The following ARHGAP15 variants were observed in gnomAD, a reference collection of about 807,000 sequenced individuals.
The protein encoded by ARHGAP15 is rho GTPase-activating protein 15.
Under a neutral mutation model 63.7 loss-of-function variants are expected in ARHGAP15, and 51 were observed. That is an observed-to-expected ratio of 0.80 (90% CI 0.64 to 1.01). ARHGAP15 has a LOEUF of 1.01. ARHGAP15 is among the 50% of genes least tolerant of loss of function. The pLI, the probability that ARHGAP15 is intolerant of heterozygous loss-of-function variation, is 0.00. For missense variants in ARHGAP15, 560 were observed against 564.6 expected (o/e 0.99, Z 0.08); for synonymous variants, 191 against 193.8 (o/e 0.99, Z 0.12).
chr2:143,417,397 A>T (rs1423711700), intron 6 of ARHGAP15, among the ~76,000 whole-genome samples: 1 of 152,164 alleles, frequency 6.6e-6, no homozygotes, highest in Non-Finnish European at 1.5e-5. Flanking sequence ...CACAAAATGC[A>T]CTAGGAGAAG....
chr2:143,697,944 G>C (rs535617631), intron 12 of ARHGAP15, among the ~76,000 whole-genome samples: 1 of 152,242 alleles, frequency 6.6e-6, no homozygotes, highest in South Asian at 2.1e-4. Context: ...ATATAGCTCT[G>C]ACATATAGGG....
intron 9 of ARHGAP15, among the ~76,000 whole-genome samples, chr2:143,493,936 A>T (rs1449578424): frequency 1.3e-5 from 2 of 152,186 alleles, no homozygotes; most frequent in African/African-American, 4.8e-5. Context: ...TGAGTTGCAG[A>T]TTCCGCTCTT....
chr2:143,179,891 C>CAAAAAAA (rs77160479), intron 2 of ARHGAP15, among the ~76,000 whole-genome samples: 17 of 142,790 alleles, frequency 1.2e-4, no homozygotes, highest in South Asian at 4.5e-4. Context: ...GACATTGTCT[C>CAAAAAAA]AAAAAAAAAA....
chr2:143,285,517 A>G lies in ARHGAP15; in HGVS notation c.474+34917A>G, dbSNP rs567240677. Reference sequence around the variant, plus strand: ...TGTCTGATTAGAAATATCTTAGCATAAAGATGAAAAATGCATTCTATGAAC... The same window carrying G: ...TGTCTGATTAGAAATATCTTAGCATGAAGATGAAAAATGCATTCTATGAAC... On this transcript the variant is annotated intron_variant, in intron 6 of 13. Coordinates refer to ENST00000295095, the MANE Select transcript of ARHGAP15 (RefSeq NM_018460.4). Among the ~76,000 whole-genome samples the G allele has an allele frequency of 1.1e-4, 16 of 152,292 alleles. 1 individual carries two copies. The South Asian group carries it at 1.9e-3, about 18-fold the overall frequency.
At chr2:143,371,339 G>A (rs1017189569) in intron 6 of ARHGAP15, among the ~76,000 whole-genome samples, 1 of 152,030 alleles carries the variant, frequency 6.6e-6, no homozygotes, top group African/African-American at 2.4e-5. Flanking sequence ...AATTGATGAG[G>A]ACATCTTCTC....
intron 11 of ARHGAP15, among the ~76,000 whole-genome samples, chr2:143,569,960 A>G (rs1348626457): frequency 6.6e-6 from 1 of 152,154 alleles, no homozygotes; most frequent in Non-Finnish European, 1.5e-5. Context: ...AGCCTAGGTC[A>G]ATTTTCATGT....
intron 6 of ARHGAP15, 88 bp downstream of exon 6, chr2:143,250,688 A>T: frequency 9.8e-7 from 1 of 1,018,016 alleles, no homozygotes; most frequent in Non-Finnish European, 1.5e-6. Flanking sequence ...CCTTCTTGTG[A>T]TGTGCTCATG....
At chr2:143,713,530 C>G (rs969897786) in intron 13 of ARHGAP15, among the ~76,000 whole-genome samples, 4 of 152,268 alleles carry the variant, frequency 2.6e-5, no homozygotes, top group Admixed American at 6.5e-5. Context: ...CCAACAGTCC[C>G]CCAAAGTCTT....
intron 1 of ARHGAP15, among the ~76,000 whole-genome samples, chr2:143,143,429 T>A (rs181244491): frequency 6.6e-6 from 1 of 151,694 alleles, no homozygotes; most frequent in African/African-American, 2.4e-5. Context: ...GTTTAAGTAA[T>A]GTGAACTGGC....
intron 13 of ARHGAP15, among the ~76,000 whole-genome samples, chr2:143,764,611 C>A (rs904018446): frequency 3.3e-5 from 5 of 152,092 alleles, no homozygotes; most frequent in Non-Finnish European, 7.4e-5. Context: ...CTCCACCCAC[C>A]CAAGCTCCTC....
At chr2:143,619,433 A>G (rs1375639863) in intron 11 of ARHGAP15, among the ~76,000 whole-genome samples, 1 of 152,152 alleles carries the variant, frequency 6.6e-6, no homozygotes, top group African/African-American at 2.4e-5. Flanking sequence ...AGCTTAACCT[A>G]TCTTTAATTC....
At chr2:143,385,609 G>A (rs72999524) in intron 6 of ARHGAP15, among the ~76,000 whole-genome samples, 8,149 of 152,100 alleles carry the variant, frequency 0.054, 334 homozygotes, top group South Asian at 0.14. Context: ...AATTATAGTA[G>A]TAATTCCTTT....
chr2:143,562,850 C>A (rs1394450140), intron 11 of ARHGAP15, among the ~76,000 whole-genome samples: 2 of 152,178 alleles, frequency 1.3e-5, no homozygotes, highest in East Asian at 1.9e-4. Context: ...CATGTTCATG[C>A]ACATTTAGTT....
chr2:143,660,523 A>T lies in ARHGAP15; in HGVS notation c.1138+36256A>T, dbSNP rs185940656. ...AAGACTTTATTTTAAAATCGTAAGA[A>T]TAAGAATGAACCCTAAAATGAACAC... On this transcript the variant is annotated intron_variant, in intron 12 of 13. Coordinates refer to ENST00000295095, the MANE Select transcript of ARHGAP15 (RefSeq NM_018460.4). Among the ~76,000 whole-genome samples, 13 of 152,356 alleles carry T rather than the reference A, an allele frequency of 8.5e-5. No homozygotes were observed. The East Asian group carries it at 2.5e-3, about 29-fold the overall frequency.
At chr2:143,374,724 A>G (rs1312424855) in intron 6 of ARHGAP15, among the ~76,000 whole-genome samples, 1 of 151,878 alleles carries the variant, frequency 6.6e-6, no homozygotes, top group Non-Finnish European at 1.5e-5. Flanking sequence ...GCTGGTCTCA[A>G]CCTCCTGGGC....
chr2:143,482,290 TA>T (rs1345919767), intron 8 of ARHGAP15, among the ~76,000 whole-genome samples: 1 of 152,124 alleles, frequency 6.6e-6, no homozygotes, highest in African/African-American at 2.4e-5. Context: ...TGGCTTAACA[TA>T]AATCTTTAAA....
rs190772600 is a variant in ARHGAP15 at position 143,403,435 on chromosome 2, T to C, written c.475-32166T>C. 1.5e-3 allele frequency among the ~76,000 whole-genome samples: 222 copies of C among 151,888 alleles called. 1 individual carries two copies. The highest frequency in any genetic ancestry group is 5.2e-3 in the African/African-American group (216 of 41,508). ...AACTCCATCAACTCAATTTAACTTATTTTTCACTAACTCAGAGATAGATTA... is the reference window on the plus strand; with the variant it reads ...AACTCCATCAACTCAATTTAACTTACTTTTCACTAACTCAGAGATAGATTA... On this transcript the variant is annotated intron_variant, in intron 6 of 13. Transcript: ENST00000295095.
At chr2:143,136,051 C>G (rs1689121459) in intron 1 of ARHGAP15, among the ~76,000 whole-genome samples, 1 of 152,096 alleles carries the variant, frequency 6.6e-6, no homozygotes, top group African/African-American at 2.4e-5. Context: ...TACTGCCCAC[C>G]TGTCCCCCAA....
intron 11 of ARHGAP15, among the ~76,000 whole-genome samples, chr2:143,597,303 A>C (rs1467851351): frequency 6.6e-6 from 1 of 152,174 alleles, no homozygotes; most frequent in Admixed American, 6.5e-5. Context: ...TTATAAGAGC[A>C]ATACTAAAAT....
Sources: gnomAD v4.1 joint callset for allele counts (sites outside exome capture counted in the v4.1 genomes callset) on GRCh38, gnomAD v4.1.1 for gene constraint, MANE v1.5 for transcripts, NCBI Gene and HGNC (gene_info 2026-07-23, HGNC 2026-07-21) for gene names.